The following SPIRE1 variants were observed in gnomAD, a reference collection of about 807,000 sequenced individuals.
SPIRE1 encodes the protein spire type actin nucleation factor 1, also known as protein spire homolog 1.
Under a neutral mutation model 94.1 loss-of-function variants are expected in SPIRE1, and 40 were observed. The observed-to-expected ratio is 0.43, with a 90% confidence interval of 0.33 to 0.55. The LOEUF (loss-of-function observed/expected upper bound fraction) is 0.55. Ranked by LOEUF, SPIRE1 falls within the 20% of genes least tolerant of loss-of-function variation. The probability of loss-of-function intolerance (pLI) is 0.06; values close to 1 mark genes in which losing one functional copy is unlikely to be tolerated. For missense variants in SPIRE1, 838 were observed against 975.2 expected (o/e 0.86, Z 1.87); for synonymous variants, 376 against 371.7 (o/e 1.01, Z -0.13).
At chr18:12,452,429 T>TTA in intron 15 of SPIRE1, 38 bp from the exon 16 acceptor site, 1 of 1,614,160 alleles carries the variant, frequency 6.2e-7, no homozygotes, top group Non-Finnish European at 8.5e-7. Context: ...AGCAGTACCG[T>TTA]TAAAGAGGCA....
chr18:12,468,778 GC>G (rs1195112537), intron 10 of SPIRE1, among the ~76,000 whole-genome samples: 6 of 152,194 alleles, frequency 3.9e-5, no homozygotes, highest in Non-Finnish European at 7.3e-5. Flanking sequence ...TGTCTTTCCT[GC>G]CAGGCATGGT....
intron 9 of SPIRE1, 110 bp downstream of exon 9, chr18:12,485,849 A>G: frequency 1.3e-6 from 1 of 785,938 alleles, no homozygotes; most frequent in Non-Finnish European, 2.1e-6. Context: ...GCTTAGCAGA[A>G]GCCTTTCAAT....
chr18:12,636,637 G>A (rs2037937113), intron 1 of SPIRE1, among the ~76,000 whole-genome samples: 1 of 151,870 alleles, frequency 6.6e-6, no homozygotes, highest in South Asian at 2.1e-4. Context: ...TAGGTTCTAT[G>A]AATTAAATTA....
At chr18:12,538,078 C>T (rs1040370461) in intron 3 of SPIRE1, among the ~76,000 whole-genome samples, 10 of 152,038 alleles carry the variant, frequency 6.6e-5, no homozygotes, top group Non-Finnish European at 1.0e-4. Context: ...ATTTAGACCA[C>T]GTAAGTAATT....
intron 4 of SPIRE1, among the ~76,000 whole-genome samples, chr18:12,532,284 C>T (rs1374648638): frequency 6.6e-6 from 1 of 152,170 alleles, no homozygotes; most frequent in African/African-American, 2.4e-5. Context: ...ATGCACTTAA[C>T]ACTTTACAGA....
At chr18:12,585,998 T>G (rs184735876) in intron 2 of SPIRE1, among the ~76,000 whole-genome samples, 1 of 152,330 alleles carries the variant, frequency 6.6e-6, no homozygotes, top group African/African-American at 2.4e-5. Context: ...TCACCCAGGC[T>G]GGAGTGCAGT....
chr18:12,511,483 C>T (rs1054545678), intron 5 of SPIRE1, among the ~76,000 whole-genome samples: 1 of 152,184 alleles, frequency 6.6e-6, no homozygotes, highest in African/African-American at 2.4e-5. Flanking sequence ...ACCCCCAATC[C>T]TTGACATTGT....
chr18:12,498,598 C>T (rs1311789660), intron 6 of SPIRE1, among the ~76,000 whole-genome samples: 5 of 152,014 alleles, frequency 3.3e-5, no homozygotes, highest in Non-Finnish European at 4.4e-5. Flanking sequence ...AAATTTAAAA[C>T]GTCTACCCTG....
intron 1 of SPIRE1, among the ~76,000 whole-genome samples, chr18:12,644,298 G>A (rs931057081): frequency 7.9e-5 from 12 of 151,550 alleles, no homozygotes; most frequent in African/African-American, 2.7e-4. Context: ...ATACACATCA[G>A]GCAATACAAC....
chr18:12,586,928 G>A (rs2036405142), intron 2 of SPIRE1, among the ~76,000 whole-genome samples: 1 of 152,172 alleles, frequency 6.6e-6, no homozygotes, highest in African/African-American at 2.4e-5. Flanking sequence ...AAGAAAGCAA[G>A]TATCTGAAAC....
chr18:12,591,457 G>T (rs1184082704), intron 2 of SPIRE1, among the ~76,000 whole-genome samples: 1 of 152,188 alleles, frequency 6.6e-6, no homozygotes. Context: ...CTGCAGGTTA[G>T]TAGAGGAGTG....
chr18:12,586,866 AAC>A (rs934136098), intron 2 of SPIRE1, among the ~76,000 whole-genome samples: 32 of 152,308 alleles, frequency 2.1e-4, no homozygotes, highest in Admixed American at 1.8e-3. Flanking sequence ...TTTTTGAGAA[AAC>A]ACTTATTTTA....
At chr18:12,590,542 T>C (rs2036504866) in intron 2 of SPIRE1, among the ~76,000 whole-genome samples, 1 of 152,082 alleles carries the variant, frequency 6.6e-6, no homozygotes, top group Non-Finnish European at 1.5e-5. Context: ...TATAAGATGT[T>C]CCAGTATTGG....
intron 4 of SPIRE1, among the ~76,000 whole-genome samples, chr18:12,512,830 C>A (rs2144038607): frequency 6.7e-6 from 1 of 148,454 alleles, no homozygotes; most frequent in Admixed American, 6.8e-5. Flanking sequence ...ACTACAAATC[C>A]ATTACTCTAA....
intron 3 of SPIRE1, among the ~76,000 whole-genome samples, chr18:12,543,495 T>C (rs1222043300): frequency 2.6e-5 from 4 of 152,190 alleles, no homozygotes; most frequent in Non-Finnish European, 5.9e-5. Context: ...CCACTCTGTC[T>C]TCTAACATTA....
rs2031020310 is a variant in SPIRE1 at position 12,447,842 on chromosome 18, TCCTTCCCC to T, written c.*1788_*1795del. On this transcript the variant is annotated 3_prime_UTR_variant, in exon 17 of 17. Transcript: ENST00000409402. The stretch of plus-strand genomic sequence containing the variant: ...TTTATATACATATACAAATACCATT[TCCTTCCCC>T]CTTGTGCCCTTCTGGGTAGTCATTT... The T allele has an allele frequency of 6.6e-6, 1 of 152,320 alleles. No individual in the cohort carries two copies. Among genetic ancestry groups the T allele is most frequent in the Middle Eastern group, 3.4e-3 (1 of 294 alleles). 9.4% of individuals were successfully genotyped at this position (152,320 alleles called of 1,614,324 possible). A position where few individuals can be genotyped will look rare whatever the true frequency, so the allele number is the denominator to read the frequency against.
At chr18:12,515,025 G>A (rs1482786677) in intron 4 of SPIRE1, among the ~76,000 whole-genome samples, 6 of 152,034 alleles carry the variant, frequency 3.9e-5, no homozygotes, top group African/African-American at 1.4e-4. Context: ...TAGACATAAT[G>A]GAATGTGGGG....
At chr18:12,602,365 C>T (rs907515518) in intron 2 of SPIRE1, among the ~76,000 whole-genome samples, 9 of 152,136 alleles carry the variant, frequency 5.9e-5, no homozygotes, top group Non-Finnish European at 1.0e-4. Flanking sequence ...AAGCAATGAT[C>T]CCAAATGCTT....
intron 2 of SPIRE1, among the ~76,000 whole-genome samples, chr18:12,548,604 C>CTTTTTTTTTTTT: frequency 6.9e-6 from 1 of 144,262 alleles, no homozygotes. Context: ...TCTTTTCTTT[C>CTTTTTTTTTTTT]TTTTTTTTTT....
Sources: allele counts gnomAD v4.1 joint callset (sites outside exome capture counted in the v4.1 genomes callset), GRCh38; gene constraint gnomAD v4.1.1; transcripts MANE v1.5; gene names NCBI Gene and HGNC (gene_info 2026-07-23, HGNC 2026-07-21).